KLRG1: variants seen among roughly 807,000 people sequenced by gnomAD.
The protein encoded by KLRG1 is killer cell lectin like receptor G1, also known as killer cell lectin-like receptor subfamily G member 1.
Under a neutral mutation model 21.8 loss-of-function variants are expected in KLRG1, and 16 were observed. The ratio of observed to expected loss-of-function variants is 0.73; its 90% CI spans 0.50 to 1.11. The LOEUF is 1.11. Ranked by LOEUF, KLRG1 falls within the 50% of genes most tolerant of loss-of-function variation. KLRG1 has a pLI of 0.00. For missense variants in KLRG1, 173 were observed against 218.3 expected (o/e 0.79, Z 1.31); for synonymous variants, 69 against 75.9 (o/e 0.91, Z 0.47).
At position 8,995,101 on chromosome 12, in the gene KLRG1, G is replaced by A; in HGVS notation, c.188-18G>A. The A allele has an allele frequency of 6.4e-7, 1 of 1,569,106 alleles. No homozygotes were observed. On this transcript the variant is annotated intron_variant, in intron 2 of 4. Transcript: ENST00000356986. ...GAGTGGTCCATAAAGATGTGAACCA[G>A]GTCCTCTTCTCTCCTAGGCTCCAAC...
chr12:9,080,224 TA>T, the KLRG1 span: 1 of 1,334,554 alleles, frequency 7.5e-7, no homozygotes, highest in Non-Finnish European at 1.1e-6. Flanking sequence ...TTCTGCATTA[TA>T]TCTTTCTAAA....
chr12:9,039,753 A>G, the KLRG1 span, among the ~76,000 whole-genome samples: 4 of 152,206 alleles, frequency 2.6e-5, no homozygotes, highest in African/African-American at 4.8e-5. Flanking sequence ...TAGAGGAAAA[A>G]CCATTTTCTC....
At chr12:9,069,458 C>G in the KLRG1 span, among the ~76,000 whole-genome samples, 4 of 152,014 alleles carry the variant, frequency 2.6e-5, no homozygotes, top group Admixed American at 2.6e-4. Context: ...CCTTATATTA[C>G]TGGGTATCCA....
At chr12:9,007,423 A>T (rs1410097705) in intron 3 of KLRG1, among the ~76,000 whole-genome samples, 1 of 151,882 alleles carries the variant, frequency 6.6e-6, no homozygotes, top group Non-Finnish European at 1.5e-5. Context: ...ACCATGCCTA[A>T]TTTTTTATTT....
the KLRG1 span, chr12:9,072,383 C>T: frequency 6.2e-7 from 1 of 1,613,894 alleles, no homozygotes; most frequent in Non-Finnish European, 8.5e-7. Flanking sequence ...GATTTGGAAG[C>T]TGGTGTGGGC....
intron 1 of KLRG1, among the ~76,000 whole-genome samples, chr12:8,972,688 G>C (rs1178503009): frequency 6.6e-6 from 1 of 152,138 alleles, no homozygotes; most frequent in East Asian, 1.9e-4. Context: ...TTTCATGGCA[G>C]TATTATACTA....
chr12:9,192,454 A>G, the KLRG1 span: 3 of 1,497,202 alleles, frequency 2.0e-6, no homozygotes, highest in African/African-American at 1.4e-5. Context: ...TCCTGAGCCT[A>G]TTGACCACTT....
At chr12:9,131,886 C>T in the KLRG1 span, among the ~76,000 whole-genome samples, 1 of 151,890 alleles carries the variant, frequency 6.6e-6, no homozygotes, top group East Asian at 1.9e-4. Context: ...GCAGACACTG[C>T]TCATTGGCTA....
At chr12:9,211,697 C>G in the KLRG1 span, among the ~76,000 whole-genome samples, 50 of 152,174 alleles carry the variant, frequency 3.3e-4, no homozygotes, top group Non-Finnish European at 6.2e-4. Flanking sequence ...GGTTTCTATG[C>G]ATCTGAAGGA....
the KLRG1 span, among the ~76,000 whole-genome samples, chr12:9,102,151 GT>G: frequency 3.3e-5 from 5 of 152,302 alleles, no homozygotes; most frequent in Admixed American, 2.6e-4. Flanking sequence ...GAAAGCATTG[GT>G]TTAAGAGCTG....
downstream of KLRG1, among the ~76,000 whole-genome samples, chr12:9,013,045 A>G (rs566548716): frequency 3.3e-5 from 5 of 152,328 alleles, no homozygotes; most frequent in African/African-American, 1.2e-4. Flanking sequence ...GTAACAGAAG[A>G]TAACAAGAGG....
the KLRG1 span, among the ~76,000 whole-genome samples, chr12:9,025,885 T>C: frequency 3.9e-5 from 6 of 152,216 alleles, no homozygotes; most frequent in Admixed American, 3.9e-4. Flanking sequence ...CAAGGTCATA[T>C]ACTAAGAAGG....
the KLRG1 span, among the ~76,000 whole-genome samples, chr12:9,105,629 G>A: frequency 1.3e-5 from 2 of 152,126 alleles, no homozygotes; most frequent in African/African-American, 2.4e-5. Flanking sequence ...AAAATTGTAA[G>A]AGAAGATTTT....
chr12:8,999,007 A>G (rs1947228278), intron 3 of KLRG1, among the ~76,000 whole-genome samples: 1 of 151,956 alleles, frequency 6.6e-6, no homozygotes, highest in South Asian at 2.1e-4. Context: ...AGGCTTAAAT[A>G]TATTTAAAAT....
At chr12:9,062,800 C>A in the KLRG1 span, among the ~76,000 whole-genome samples, 1 of 148,492 alleles carries the variant, frequency 6.7e-6, no homozygotes, top group Non-Finnish European at 1.5e-5. Context: ...TAGTAAATAT[C>A]TATTGTGTTA....
chr12:9,144,813 A>T, the KLRG1 span, among the ~76,000 whole-genome samples: 2 of 152,090 alleles, frequency 1.3e-5, no homozygotes, highest in African/African-American at 2.4e-5. Flanking sequence ...GGGCAGGCAT[A>T]TCTCTGGTCG....
the KLRG1 span, among the ~76,000 whole-genome samples, chr12:9,084,138 A>G: frequency 6.6e-6 from 1 of 152,144 alleles, no homozygotes; most frequent in Non-Finnish European, 1.5e-5. Flanking sequence ...TCCCAGACAA[A>G]CTAAAAGCTA....
chr12:9,145,576 C>T, the KLRG1 span, among the ~76,000 whole-genome samples: 2 of 152,136 alleles, frequency 1.3e-5, no homozygotes, highest in African/African-American at 4.8e-5. Context: ...GTAAAAGTGA[C>T]TTACTAGCAT....
chr12:9,104,357 ACTTTATTTGGTATAG>A, the KLRG1 span: 17 of 1,604,668 alleles, frequency 1.1e-5, no homozygotes. Flanking sequence ...GATGAATATG[ACTTTATTTGGTATAG>A]GGACGCCTTT....
Sources: gnomAD v4.1 joint callset for allele counts (sites outside exome capture counted in the v4.1 genomes callset) on GRCh38, gnomAD v4.1.1 for gene constraint, MANE v1.5 for transcripts, NCBI Gene and HGNC (gene_info 2026-07-23, HGNC 2026-07-21) for gene names.